The following ADAM18 variants were observed in gnomAD, a reference collection of about 807,000 sequenced individuals.
ADAM18 encodes the protein disintegrin and metalloproteinase domain-containing protein 18.
ADAM18 carries 117 observed loss-of-function variants against 94.4 expected under a neutral mutation model. The observed-to-expected ratio is 1.24, with a 90% confidence interval of 1.07 to 1.45. The LOEUF (loss-of-function observed/expected upper bound fraction) is 1.45. ADAM18 is among the 40% of genes most tolerant of loss of function. The pLI, the probability that ADAM18 is intolerant of heterozygous loss-of-function variation, is 0.00. For missense variants in ADAM18, 936 were observed against 880.0 expected (o/e 1.06, Z -0.81); for synonymous variants, 327 against 291.6 (o/e 1.12, Z -1.24).
At chr8:39,588,724 C>A (rs1441596388) in intron 2 of ADAM18, among the ~76,000 whole-genome samples, 1 of 152,144 alleles carries the variant, frequency 6.6e-6, no homozygotes, top group Non-Finnish European at 1.5e-5. Context: ...AAGACCATTG[C>A]AAGCACGCCT....
At chr8:39,599,593 G>T (rs1585882771) in intron 2 of ADAM18, among the ~76,000 whole-genome samples, 1 of 151,954 alleles carries the variant, frequency 6.6e-6, no homozygotes, top group Non-Finnish European at 1.5e-5. Context: ...TTATGTCTTT[G>T]TTAATTTCAC....
At chr8:39,695,486 TATG>T (rs1404664191) in intron 17 of ADAM18, among the ~76,000 whole-genome samples, 3 of 151,534 alleles carry the variant, frequency 2.0e-5, no homozygotes, top group Non-Finnish European at 4.4e-5. Flanking sequence ...TCTAATGACA[TATG>T]ATGTTGAGCA....
intron 16 of ADAM18, among the ~76,000 whole-genome samples, chr8:39,690,459 G>A (rs1821741415): frequency 6.6e-6 from 1 of 152,100 alleles, no homozygotes; most frequent in African/African-American, 2.4e-5. Context: ...TGGTGCTGCA[G>A]GTAGGAGGCC....
At chr8:39,692,767 G>A (rs749847420) in intron 17 of ADAM18, 87 bp downstream of exon 17, 3 of 1,040,136 alleles carry the variant, frequency 2.9e-6, no homozygotes, top group Non-Finnish European at 4.2e-6. Flanking sequence ...AGTCTAGGTT[G>A]ACTTGCCTAG....
chr8:39,700,628 T>G (rs1331999597), intron 17 of ADAM18, among the ~76,000 whole-genome samples: 1 of 152,128 alleles, frequency 6.6e-6, no homozygotes, highest in Non-Finnish European at 1.5e-5. Flanking sequence ...CATTAATTTC[T>G]GAGTATAACA....
chr8:39,613,329 C>T (rs1422836353), intron 6 of ADAM18, among the ~76,000 whole-genome samples: 1 of 152,202 alleles, frequency 6.6e-6, no homozygotes, highest in African/African-American at 2.4e-5. Flanking sequence ...GGCCTGATTT[C>T]AGCCCCCCAG....
intron 14 of ADAM18, among the ~76,000 whole-genome samples, chr8:39,672,940 C>T (rs1420938845): frequency 6.6e-6 from 1 of 152,108 alleles, no homozygotes; most frequent in African/African-American, 2.4e-5. Context: ...TCTGCTAGTT[C>T]CATAAATCCA....
chr8:39,594,713 G>T (rs1302780208), intron 2 of ADAM18, among the ~76,000 whole-genome samples: 2 of 123,650 alleles, frequency 1.6e-5, no homozygotes, highest in African/African-American at 3.1e-5. Context: ...TGGGTAAGTT[G>T]TCATTTCTTT....
intron 16 of ADAM18, among the ~76,000 whole-genome samples, chr8:39,686,714 C>T (rs1458748194): frequency 6.6e-6 from 1 of 152,104 alleles, no homozygotes; most frequent in Non-Finnish European, 1.5e-5. Flanking sequence ...CGAAAAACAA[C>T]ATTAATTAAG....
intron 2 of ADAM18, among the ~76,000 whole-genome samples, chr8:39,597,686 A>G (rs1313183348): frequency 6.6e-6 from 1 of 152,146 alleles, no homozygotes; most frequent in East Asian, 1.9e-4. Flanking sequence ...GTAGCTTTAT[A>G]GTTCAGTCTT....
chr8:39,603,589 A>G (rs1461779251), intron 2 of ADAM18, among the ~76,000 whole-genome samples: 28 of 152,238 alleles, frequency 1.8e-4, no homozygotes, highest in Admixed American at 1.8e-3. Flanking sequence ...TGGGAAACCA[A>G]AAAATATACA....
At chr8:39,615,364 T>C in intron 6 of ADAM18, among the ~76,000 whole-genome samples, 1 of 151,958 alleles carries the variant, frequency 6.6e-6, no homozygotes, top group East Asian at 1.9e-4. Flanking sequence ...TTTGGATAAA[T>C]GATGAAATTA....
rs570027658 is a variant in ADAM18 at position 39,615,966 on chromosome 8, C to CA, written c.522+5268dup. 4.2e-3 allele frequency among the ~76,000 whole-genome samples: 641 copies of CA among 151,378 alleles called. 3 individuals carry two copies. The highest frequency in any genetic ancestry group is 5.9e-3 in the Non-Finnish European group (403 of 67,822). On this transcript the variant is annotated intron_variant, in intron 6 of 19. Transcript: ENST00000265707. ...AACACAATCTCATTCACATTAGCCA[C>CA]AAAAAAAATATCTAGGAATATAGAT...
Position 39,609,111 on chromosome 8 carries a change from A to T in ADAM18, c.258A>T (p.Pro86=). Reference sequence around the variant, plus strand: ...CTGGATCTTTGCATTCTGTGTCTCCATATTTTATGGTAAAGTAAGATACCT... The same window carrying T: ...CTGGATCTTTGCATTCTGTGTCTCCTTATTTTATGGTAAAGTAAGATACCT... ...NETGSLHSVS[P]YFMMHCHYQG... Residue 86 remains proline (P), a synonymous_variant, in exon 4 of 20, where the codon CCA becomes CCT. Transcript: ENST00000265707. 6.3e-7 allele frequency: 1 copy of T among 1,578,388 alleles called. No homozygotes were observed. The highest frequency in any genetic ancestry group is 1.2e-5 in the South Asian group (1 of 86,002).
intron 6 of ADAM18, among the ~76,000 whole-genome samples, chr8:39,616,724 A>AC (rs1184437720): frequency 5.9e-5 from 9 of 152,178 alleles, no homozygotes; most frequent in Non-Finnish European, 1.0e-4. Flanking sequence ...CACATCTACA[A>AC]CCATCTTATC....
At chr8:39,587,899 A>G (rs1006021958) in intron 2 of ADAM18, among the ~76,000 whole-genome samples, 2 of 152,262 alleles carry the variant, frequency 1.3e-5, no homozygotes, top group South Asian at 2.1e-4. Flanking sequence ...TAGTGTTCCA[A>G]TATGTTTATA....
At chr8:39,663,598 C>CAA (rs10597769) in intron 12 of ADAM18, among the ~76,000 whole-genome samples, 197 bp from the exon 13 acceptor site, 478 of 19,610 alleles carry the variant, frequency 0.024, 53 homozygotes, top group African/African-American at 0.078. Flanking sequence ...AATCCTGTCT[C>CAA]AAAAAAAAAA....
chr8:39,588,425 T>G (rs1206626181), intron 2 of ADAM18, among the ~76,000 whole-genome samples: 1 of 152,190 alleles, frequency 6.6e-6, no homozygotes, highest in Non-Finnish European at 1.5e-5. Flanking sequence ...ATTTGTTTTG[T>G]TTTGTTTTTG....
rs747201163 is a variant in ADAM18 at position 39,637,614 on chromosome 8, T to A, written c.738T>A (p.Ser246Arg). 9.6e-5 allele frequency: 155 copies of A among 1,612,728 alleles called. No homozygotes were observed. Among genetic ancestry groups the A allele is most frequent in the Non-Finnish European group, 1.2e-4 (147 of 1,179,316 alleles). ...CAAATGAAAACCAGATTTCCACCAG[T>A]GGGGATGCTGATGATATATTACAAA... ...LWSNENQIST[S>R]GDADDILQRF... Residue 246 changes from serine (S) to arginine (R), a missense_variant, in exon 9 of 20, where the codon AGT (serine) becomes AGA (arginine). Physicochemically the swap from Ser to Arg is moderately radical, Grantham distance 110. Coordinates refer to ENST00000265707, the MANE Select transcript of ADAM18 (RefSeq NM_014237.3).
Sources: gnomAD v4.1 joint callset for allele counts (sites outside exome capture counted in the v4.1 genomes callset) on GRCh38, gnomAD v4.1.1 for gene constraint, MANE v1.5 for transcripts, NCBI Gene and HGNC (gene_info 2026-07-23, HGNC 2026-07-21) for gene names.